The following NME7 variants were observed in gnomAD, a reference collection of about 807,000 sequenced individuals.
NME7 encodes the protein nucleoside diphosphate kinase 7.
Under a neutral mutation model 49.1 loss-of-function variants are expected in NME7, and 41 were observed. That is an observed-to-expected ratio of 0.83 (90% confidence interval 0.65 to 1.08). The LOEUF is 1.08. NME7 is among the 50% of genes least tolerant of loss of function. The pLI, the probability that NME7 is intolerant of heterozygous loss-of-function variation, is 0.00. For missense variants in NME7, 423 were observed against 463.4 expected, an observed-to-expected ratio of 0.91 and a Z score of 0.80; for synonymous variants, 139 against 150.6, an observed-to-expected ratio of 0.92 and a Z score of 0.56.
At chr1:169,357,525 C>T (rs922991678) in intron 1 of NME7, among the ~76,000 whole-genome samples, 3 of 151,942 alleles carry the variant, frequency 2.0e-5, no homozygotes, top group African/African-American at 7.3e-5. Flanking sequence ...AAAAAGTGAT[C>T]ATAATATTAT....
intron 11 of NME7, among the ~76,000 whole-genome samples, chr1:169,135,339 T>C (rs565980002): frequency 3.9e-5 from 6 of 152,322 alleles, no homozygotes; most frequent in African/African-American, 1.4e-4. Flanking sequence ...AGTTCCGTTA[T>C]GAGAACCTTT....
At chr1:169,148,835 G>C (rs1244109014) in intron 11 of NME7, among the ~76,000 whole-genome samples, 1 of 152,190 alleles carries the variant, frequency 6.6e-6, no homozygotes, top group Non-Finnish European at 1.5e-5. Flanking sequence ...AAAGTCACAG[G>C]TTAAAAAGGG....
At chr1:169,151,531 G>C (rs969714947) in intron 11 of NME7, among the ~76,000 whole-genome samples, 2 of 152,108 alleles carry the variant, frequency 1.3e-5, no homozygotes. Flanking sequence ...CTCAGAGCTG[G>C]ACTTGGTTGA....
At chr1:169,207,152 G>A (rs1660695582) in intron 10 of NME7, among the ~76,000 whole-genome samples, 1 of 152,078 alleles carries the variant, frequency 6.6e-6, no homozygotes, top group African/African-American at 2.4e-5. Flanking sequence ...GGAAGGTGAA[G>A]GGGAAGTGGC....
intron 11 of NME7, among the ~76,000 whole-genome samples, chr1:169,163,169 A>T (rs1367520632): frequency 6.6e-6 from 1 of 152,208 alleles, no homozygotes; most frequent in Non-Finnish European, 1.5e-5. Flanking sequence ...ACTGCCTCTC[A>T]CAAGTATCAC....
At chr1:169,296,382 T>C (rs1249832189) in intron 6 of NME7, among the ~76,000 whole-genome samples, 1 of 152,190 alleles carries the variant, frequency 6.6e-6, no homozygotes, top group Non-Finnish European at 1.5e-5. Flanking sequence ...TTTGATTCAC[T>C]TGGCCTCCAG....
At chr1:169,134,372 T>C in intron 11 of NME7, among the ~76,000 whole-genome samples, 1 of 152,224 alleles carries the variant, frequency 6.6e-6, no homozygotes, top group East Asian at 1.9e-4. Context: ...CAGTGCCATC[T>C]ATCTCCCTTG....
intron 10 of NME7, among the ~76,000 whole-genome samples, chr1:169,172,077 T>G (rs925320235): frequency 6.6e-6 from 1 of 151,652 alleles, no homozygotes; most frequent in Admixed American, 6.6e-5. Flanking sequence ...CTGCTCTTCA[T>G]GCAGCCCTCC....
intron 10 of NME7, among the ~76,000 whole-genome samples, chr1:169,205,080 A>G (rs1233252563): frequency 6.6e-6 from 1 of 152,174 alleles, no homozygotes; most frequent in African/African-American, 2.4e-5. Context: ...TAATTAGTCT[A>G]GCAAAATAGT....
chr1:169,329,074 CAG>C (rs1557824334), intron 1 of NME7, among the ~76,000 whole-genome samples: 2 of 152,096 alleles, frequency 1.3e-5, no homozygotes, highest in Non-Finnish European at 2.9e-5. Context: ...CCTGAAGAAA[CAG>C]AGATATGTGA....
In NME7 at chr1:169,340,005, A is replaced by C. The variant is rs564213256; in HGVS notation, c.4-15505T>G. 1.2e-4 allele frequency among the ~76,000 whole-genome samples: 17 copies of C among 143,960 alleles called. No individual in the cohort carries two copies. The East Asian group carries it at 4.4e-3, about 37-fold the overall frequency. 94.4% of individuals were successfully genotyped at this position (143,960 alleles called of 152,430 possible). ...TCCCTGATAGGTCAAGAAGTAGTAA[A>C]GGCTCCCTGACTTCTGCTTCCTGTA... On this transcript the variant is annotated intron_variant, in intron 1 of 11. Transcript: ENST00000367811.
At chr1:169,339,934 A>G (rs927952812) in intron 1 of NME7, among the ~76,000 whole-genome samples, 16 of 152,220 alleles carry the variant, frequency 1.1e-4, no homozygotes, top group Non-Finnish European at 1.9e-4. Context: ...AGCTCATGTC[A>G]GACAGCCTTT....
chr1:169,222,890 C>G (rs1246492251), intron 10 of NME7, among the ~76,000 whole-genome samples: 2 of 152,156 alleles, frequency 1.3e-5, no homozygotes, highest in Non-Finnish European at 2.9e-5. Context: ...TCCACTACCT[C>G]CAAATATTTT....
chr1:169,365,395 C>T (rs967256084), intron 1 of NME7, among the ~76,000 whole-genome samples: 3 of 152,242 alleles, frequency 2.0e-5, no homozygotes, highest in African/African-American at 4.8e-5. Context: ...AAGAAGAACA[C>T]GTTGGCCTGT....
Position 169,324,395 on chromosome 1 carries a change from T to C in NME7, c.109A>G (p.Met37Val). The change falls in exon 2 of 12, where the codon ATG becomes GTG. Residue 37 changes from methionine to valine, a missense_variant and splice_region_variant. Transcript: ENST00000367811. ...CAAGCAAAGAAAGGCTTATTTACCA[T>C]TTCAACAGATCCATCCCCTGGGTAA... ...LFYPGDGSVEMHDVKNHRTFL... is the reference protein window; with the variant it reads ...LFYPGDGSVEVHDVKNHRTFL... The C allele has an allele frequency of 1.2e-6, 2 of 1,603,878 alleles. No homozygotes were observed. The highest frequency in any genetic ancestry group is 1.7e-6 in the Non-Finnish European group (2 of 1,170,892).
chr1:169,237,657 C>G lies in NME7; in HGVS notation c.785G>C (p.Arg262Pro). 6.2e-7 allele frequency: 1 copy of G among 1,610,580 alleles called. No homozygotes were observed. Among genetic ancestry groups the G allele is most frequent in the South Asian group, 1.1e-5 (1 of 90,808 alleles). ...GLLGKILMAI[R>P]DAGFEISAMQ... ...AGCTGAGATTTCAAAACCTGCATCTCGGATAGCCATCAGGATCTTTCCCAA... is the reference window on the plus strand; with the variant it reads ...AGCTGAGATTTCAAAACCTGCATCTGGGATAGCCATCAGGATCTTTCCCAA... The change falls in exon 8 of 12, where the codon CGA becomes CCA. Residue 262 changes from arginine to proline, a missense_variant. By Grantham distance (103) the Arg-to-Pro change is moderately radical. Coordinates refer to ENST00000367811, the MANE Select transcript of NME7 (RefSeq NM_013330.5).
intron 10 of NME7, among the ~76,000 whole-genome samples, chr1:169,172,320 A>G (rs936742683): frequency 7.4e-6 from 1 of 134,234 alleles, no homozygotes; most frequent in African/African-American, 3.2e-5. Flanking sequence ...AAACAAAAAC[A>G]TACGTGTGTG....
intron 10 of NME7, among the ~76,000 whole-genome samples, chr1:169,200,273 T>C (rs1660509676): frequency 6.6e-6 from 1 of 152,108 alleles, no homozygotes; most frequent in Non-Finnish European, 1.5e-5. Flanking sequence ...AGAATATCAT[T>C]AAATTAAGAG....
At chr1:169,180,164 C>T (rs918415285) in intron 10 of NME7, among the ~76,000 whole-genome samples, 1 of 152,100 alleles carries the variant, frequency 6.6e-6, no homozygotes, top group African/African-American at 2.4e-5. Context: ...CTAGCTTCAG[C>T]GTTATCTGGC....
Sources: allele counts gnomAD v4.1 joint callset (sites outside exome capture counted in the v4.1 genomes callset), GRCh38; gene constraint gnomAD v4.1.1; transcripts MANE v1.5; gene names NCBI Gene and HGNC (gene_info 2026-07-23, HGNC 2026-07-21).